The following EGFLAM variants were observed in gnomAD, a reference collection of about 807,000 sequenced individuals.
EGFLAM encodes pikachurin.
In EGFLAM, 79 loss-of-function variants were observed where a neutral mutation model predicts 113.1. The ratio of observed to expected loss-of-function variants is 0.70; its 90% CI spans 0.58 to 0.84. The LOEUF (loss-of-function observed/expected upper bound fraction) is 0.84, where lower values mean the gene tolerates loss of function less well. Ranked by LOEUF, EGFLAM falls within the 40% of genes least tolerant of loss-of-function variation. EGFLAM has a pLI of 0.00. For missense variants in EGFLAM, 1,265 were observed against 1,291.6 expected (o/e 0.98, Z 0.32); for synonymous variants, 504 against 487.6 (o/e 1.03, Z -0.44).
At position 38,338,703 on chromosome 5, in the gene EGFLAM, T is replaced by C. The variant is rs1739256566; in HGVS notation, c.213T>C (p.Phe71=). The change falls in exon 3 of 22, where the codon TTT becomes TTC. Residue 71 remains phenylalanine, a synonymous_variant. Transcript: ENST00000322350. The part of the protein sequence containing the change: ...PGSPILGYTV[F]YSEVGADKSL... ...GGTGTCTGCATCTTTTCAAGGTCTTTTACTCTGAGGTTGGCGCAGATAAAT... is the reference window on the plus strand; with the variant it reads ...GGTGTCTGCATCTTTTCAAGGTCTTCTACTCTGAGGTTGGCGCAGATAAAT... The C allele has an allele frequency of 5.0e-6, 8 of 1,614,092 alleles. No individual in the cohort carries two copies. In the South Asian group the frequency reaches 8.8e-5, roughly 18 times the overall value.
intron 1 of EGFLAM, among the ~76,000 whole-genome samples, chr5:38,259,105 G>C (rs1743316587): frequency 6.6e-6 from 1 of 152,256 alleles, no homozygotes; most frequent in Non-Finnish European, 1.5e-5. Flanking sequence ...TGGTCCCCGT[G>C]TTTGACCGCA....
chr5:38,358,766 G>T (rs1739836347), intron 5 of EGFLAM, among the ~76,000 whole-genome samples: 1 of 152,084 alleles, frequency 6.6e-6, no homozygotes, highest in Non-Finnish European at 1.5e-5. Flanking sequence ...AAGTTGGTCT[G>T]GAGGCTATTT....
rs538522453 is a variant in EGFLAM, at chr5:38,353,497, A to G, written c.545+1166A>G. ...GGACAAAGGATTCTCCCAAGATTTG[A>G]TTAGCTCTGCTTCTGTGTCTTGACT... On this transcript the variant is annotated intron_variant, in intron 5 of 21. Coordinates refer to ENST00000322350, the MANE Select transcript of EGFLAM (RefSeq NM_152403.4). Among the ~76,000 whole-genome samples, 42 of 152,328 alleles carry G rather than the reference A, an allele frequency of 2.8e-4. No homozygotes were observed. The South Asian group carries it at 3.9e-3, about 14-fold the overall frequency.
chr5:38,364,621 T>G lies in EGFLAM; in HGVS notation c.546-5675T>G, dbSNP rs114097279. ...GGAAAGTTGTAAGCAGGAAAGAGACTGGTAGCATTCCCGTCTTTGAAAGAT... is the reference window on the plus strand; with the variant it reads ...GGAAAGTTGTAAGCAGGAAAGAGACGGGTAGCATTCCCGTCTTTGAAAGAT... On this transcript the variant is annotated intron_variant, in intron 5 of 21. Coordinates refer to ENST00000322350, the MANE Select transcript of EGFLAM (RefSeq NM_152403.4). Among the ~76,000 whole-genome samples the G allele has an allele frequency of 5.2e-3, 788 of 152,224 alleles. 4 individuals are homozygous for G. The highest frequency in any genetic ancestry group is 0.018 in the African/African-American group (753 of 41,542).
intron 5 of EGFLAM, among the ~76,000 whole-genome samples, chr5:38,356,809 G>A (rs761200982): frequency 7.9e-5 from 12 of 152,214 alleles, no homozygotes; most frequent in African/African-American, 1.2e-4. Flanking sequence ...TGTATGTTCA[G>A]AGAGAGCTTT....
chr5:38,339,667 A>T (rs1739284349), intron 3 of EGFLAM, among the ~76,000 whole-genome samples: 1 of 152,178 alleles, frequency 6.6e-6, no homozygotes, highest in Admixed American at 6.5e-5. Flanking sequence ...TGAGACTCGG[A>T]GAGGTGAAGT....
At chr5:38,354,821 A>AT (rs1435277206) in intron 5 of EGFLAM, among the ~76,000 whole-genome samples, 1 of 152,174 alleles carries the variant, frequency 6.6e-6, no homozygotes, top group Admixed American at 6.5e-5. Context: ...TTTACTATTA[A>AT]TTTTTTGTTC....
chr5:38,324,658 GAA>G lies in EGFLAM; in HGVS notation c.98-12851_98-12850del, dbSNP rs149437052. Among the ~76,000 whole-genome samples, 11 of 144,728 alleles carry G rather than the reference GAA, an allele frequency of 7.6e-5. No individual in the cohort carries two copies. In the Admixed American group the frequency reaches 7.6e-4, roughly 10 times the overall value. 94.9% of individuals were successfully genotyped at this position (144,728 alleles called of 152,430 possible). A position where few individuals can be genotyped will look rare whatever the true frequency, so the allele number is the denominator to read the frequency against. ...TGTGCTGCACTCAACTGCTTTACAG[GAA>G]AAAAAAAAAAGTTTCATTTACAAAC... is the stretch of plus-strand genomic sequence containing the variant. On this transcript the variant is annotated intron_variant, in intron 1 of 21. Coordinates refer to ENST00000322350, the MANE Select transcript of EGFLAM (RefSeq NM_152403.4).
chr5:38,369,806 T>C (rs1258107333), intron 5 of EGFLAM, among the ~76,000 whole-genome samples: 6 of 152,256 alleles, frequency 3.9e-5, no homozygotes, highest in African/African-American at 1.4e-4. Context: ...TAATTAAGAC[T>C]AAGAATGTCC....
At chr5:38,408,121 T>C (rs1053934703) in intron 9 of EGFLAM, among the ~76,000 whole-genome samples, 1 of 152,182 alleles carries the variant, frequency 6.6e-6, no homozygotes, top group African/African-American at 2.4e-5. Flanking sequence ...GGTGGGTTTG[T>C]ATATTACTGA....
At chr5:38,403,691 G>A in intron 6 of EGFLAM, 1 of 1,330,096 alleles carries the variant, frequency 7.5e-7, no homozygotes. Context: ...TTTATTTCTG[G>A]AATTTCCCAT....
At chr5:38,354,555 C>T (rs139062181) in intron 5 of EGFLAM, among the ~76,000 whole-genome samples, 3,567 of 152,146 alleles carry the variant, frequency 0.023, 60 homozygotes, top group Middle Eastern at 0.054. Flanking sequence ...ATGGTGAAAC[C>T]CCATCTCTAC....
intron 17 of EGFLAM, among the ~76,000 whole-genome samples, chr5:38,439,438 G>C (rs1164767576): frequency 1.3e-5 from 2 of 151,888 alleles, no homozygotes; most frequent in African/African-American, 4.8e-5. Context: ...GCCTCTGAAG[G>C]AATGTGCACT....
chr5:38,309,426 G>A (rs1036117488), intron 1 of EGFLAM, among the ~76,000 whole-genome samples: 5 of 152,248 alleles, frequency 3.3e-5, no homozygotes, highest in Non-Finnish European at 5.9e-5. Context: ...CCCACTGCAT[G>A]TTGATTATAT....
At position 38,373,837 on chromosome 5, in the gene EGFLAM, A is replaced by G. The variant is rs144427706; in HGVS notation, c.712+3375A>G. Among the ~76,000 whole-genome samples the G allele has an allele frequency of 2.2e-3, 339 of 152,240 alleles. 1 individual carries two copies. Among genetic ancestry groups the G allele is most frequent in the African/African-American group, 7.2e-3 (301 of 41,520 alleles). ...TTTTAGTTCTTTGAGAAGTCTCCATAGTGTTTTCCACAGAGGTTGTACTAA... is the reference window on the plus strand; with the variant it reads ...TTTTAGTTCTTTGAGAAGTCTCCATGGTGTTTTCCACAGAGGTTGTACTAA... On this transcript the variant is annotated intron_variant, in intron 6 of 21. Coordinates refer to ENST00000322350, the MANE Select transcript of EGFLAM (RefSeq NM_152403.4).
At chr5:38,406,346 G>A in intron 7 of EGFLAM, 105 bp downstream of exon 7, 1 of 974,462 alleles carries the variant, frequency 1.0e-6, no homozygotes, top group South Asian at 1.6e-5. Context: ...ACTTAAATGT[G>A]CCCATTTGCT....
chr5:38,438,187 A>T, intron 16 of EGFLAM, 88 bp from the exon 17 acceptor site: 2 of 1,401,940 alleles, frequency 1.4e-6, no homozygotes, highest in Non-Finnish European at 1.9e-6. Context: ...CCCTATGTGT[A>T]GCTCAGGTTA....
At chr5:38,384,215 A>T (rs940116702) in intron 6 of EGFLAM, among the ~76,000 whole-genome samples, 4 of 152,130 alleles carry the variant, frequency 2.6e-5, no homozygotes, top group African/African-American at 7.2e-5. Flanking sequence ...GAAATCATAG[A>T]ATTTTGAAAC....
intron 6 of EGFLAM, among the ~76,000 whole-genome samples, chr5:38,401,545 G>T (rs1283303676): frequency 6.6e-6 from 1 of 152,140 alleles, no homozygotes; most frequent in East Asian, 1.9e-4. Context: ...TGGGGGAAAA[G>T]GACAGGATTG....
Sources: allele counts gnomAD v4.1 joint callset (sites outside exome capture counted in the v4.1 genomes callset), GRCh38; gene constraint gnomAD v4.1.1; transcripts MANE v1.5; gene names NCBI Gene and HGNC (gene_info 2026-07-23, HGNC 2026-07-21).